Variants in NEURL4 observed in about 807,000 individuals in gnomAD.
The protein encoded by NEURL4 is neuralized E3 ubiquitin protein ligase 4, also known as neuralized-like protein 4.
A neutral mutation model predicts 148.0 loss-of-function variants in NEURL4; 45 were observed. The observed-to-expected ratio is 0.30, with a 90% CI of 0.24 to 0.39. The LOEUF (loss-of-function observed/expected upper bound fraction) is 0.39. NEURL4 is among the 10% of genes least tolerant of loss of function. NEURL4 has a pLI of 1.00. For missense variants in NEURL4, 1,776 were observed against 2,144.0 expected, an observed-to-expected ratio of 0.83 and a Z score of 3.39; for synonymous variants, 854 against 869.0, an observed-to-expected ratio of 0.98 and a Z score of 0.30.
chr17:7,324,870 A>G lies in NEURL4; in HGVS notation c.1742T>C (p.Ile581Thr). Residue 581 changes from isoleucine (I) to threonine (T), a missense_variant, in exon 9 of 29, where the codon ATT (isoleucine) becomes ACT (threonine). Physicochemically the swap from Ile to Thr is moderately conservative, Grantham distance 89. Transcript: ENST00000399464. This position sits in a 1 kb window ranked among gnomAD's most constrained non-coding sequence, Gnocchi z 5.9. ...DKMVDKWAGS[I>T]EIGVTTHNPA... ...GTTGTGGGTGGTGACACCAATTTCA[A>G]TGGAGCCAGCCCATTTGTCCACCAT... is the stretch of plus-strand genomic sequence containing the variant. 1 of 1,614,120 alleles carries G rather than the reference A, an allele frequency of 6.2e-7. No homozygotes were observed. Among genetic ancestry groups the G allele is most frequent in the Non-Finnish European group, 8.5e-7 (1 of 1,179,996 alleles).
chr17:7,318,299 C>G lies in NEURL4; in HGVS notation c.3922G>C (p.Gly1308Arg). 6.2e-7 allele frequency: 1 copy of G among 1,614,132 alleles called. No homozygotes were observed. Reference protein sequence around the residue: ...AASGKSAGTQGDMEKADMVDG... With the variant: ...AASGKSAGTQRDMEKADMVDG... Reference sequence around the variant, plus strand: ...ACCATGTCTGCTTTCTCCATGTCCCCTTGGGTTCCAGCACTTTTCCCACTG... The same window carrying G: ...ACCATGTCTGCTTTCTCCATGTCCCGTTGGGTTCCAGCACTTTTCCCACTG... Residue 1308 changes from glycine (G) to arginine (R), a missense_variant, in exon 24 of 29, where the codon GGG (glycine) becomes CGG (arginine). Transcript: ENST00000399464. The surrounding 1 kb of genome is among the most constrained non-coding windows in gnomAD (Gnocchi z 4.3).
rs761192378 is a variant in NEURL4 at position 7,327,844 on chromosome 17, G to A, written c.323C>T (p.Ala108Val). ...WSGSIEIGVT[A>V]LDPSVLDFPS... ...AAAGTCCAGCACACTGGGGTCCAGC[G>A]CTGTCACCCCAATCTCAATGGAGCC... is the stretch of plus-strand genomic sequence containing the variant. The change falls in exon 2 of 29, where the codon GCG becomes GTG. Residue 108 changes from alanine to valine, a missense_variant. Coordinates refer to ENST00000399464, the MANE Select transcript of NEURL4 (RefSeq NM_032442.3). The surrounding 1 kb of genome is among the most constrained non-coding windows in gnomAD (Gnocchi z 6.6). The A allele has an allele frequency of 1.4e-5, 22 of 1,613,120 alleles. No homozygotes were observed. The highest frequency in any genetic ancestry group is 4.4e-5 in the South Asian group (4 of 91,072).
In NEURL4 at chr17:7,318,385, C is replaced by T; in HGVS notation, c.3865-29G>A. The T allele has an allele frequency of 6.2e-7, 1 of 1,612,960 alleles. No individual in the cohort carries two copies. Among genetic ancestry groups the T allele is most frequent in the East Asian group, 2.2e-5 (1 of 44,874 alleles). On this transcript the variant is annotated intron_variant, in intron 23 of 28. Transcript: ENST00000399464. This position sits in a 1 kb window ranked among gnomAD's most constrained non-coding sequence, Gnocchi z 4.3. ...CAGGGGAGAGGGTAGTCAGACAGAGCTTGGTCAGACCCCAGGGCCTGCTGA... is the reference window on the plus strand; with the variant it reads ...CAGGGGAGAGGGTAGTCAGACAGAGTTTGGTCAGACCCCAGGGCCTGCTGA...
chr17:7,321,958 T>C lies in NEURL4; in HGVS notation c.2778A>G (p.Leu926=), dbSNP rs757069576. The C allele has an allele frequency of 9.3e-6, 15 of 1,613,336 alleles. No individual in the cohort carries two copies. The highest frequency in any genetic ancestry group is 1.3e-5 in the Non-Finnish European group (15 of 1,179,962). The part of the protein sequence containing the change: ...FHSTCGKNVT[L]EEDGTRAVRA... The stretch of plus-strand genomic sequence containing the variant: ...GCACTGCCCTCGTGCCATCCTCCTC[T>C]AGAGTGACGTTCTTGCCGCAAGTAC... Residue 926 remains leucine (L), a synonymous_variant, in exon 17 of 29, where the codon CTA becomes CTG. Coordinates refer to ENST00000399464, the MANE Select transcript of NEURL4 (RefSeq NM_032442.3). This position sits in a 1 kb window ranked among gnomAD's most constrained non-coding sequence, Gnocchi z 6.3.
rs2072973699 is a variant in NEURL4 at position 7,318,001 on chromosome 17, G to A, written c.4060+64C>T. On this transcript the variant is annotated intron_variant, in intron 25 of 28. Transcript: ENST00000399464. This position sits in a 1 kb window ranked among gnomAD's most constrained non-coding sequence, Gnocchi z 4.3. ...TCAACCACAGTGGCACCCTCCAGCTGCTCTCCAAGGCTCTAGGCCTGGCCC... is the reference window on the plus strand; with the variant it reads ...TCAACCACAGTGGCACCCTCCAGCTACTCTCCAAGGCTCTAGGCCTGGCCC... The A allele has an allele frequency of 6.2e-7, 1 of 1,612,912 alleles. No homozygotes were observed. The highest frequency in any genetic ancestry group is 8.5e-7 in the Non-Finnish European group (1 of 1,179,056).
chr17:7,316,033 A>G lies in NEURL4; in HGVS notation c.*90T>C. 1.3e-6 allele frequency: 1 copy of G among 787,446 alleles called. No individual in the cohort carries two copies. The highest frequency in any genetic ancestry group is 2.3e-6 in the Non-Finnish European group (1 of 436,504). 48.8% of individuals were successfully genotyped at this position (787,446 alleles called of 1,614,324 possible). ...CCAAGCTCCAGCACCTGCGCATGCC[A>G]CGAGTCACGGGAATGAGGTGGAGGC... is the stretch of plus-strand genomic sequence containing the variant. On this transcript the variant is annotated 3_prime_UTR_variant, in exon 29 of 29. Transcript: ENST00000399464.
chr17:7,318,461 G>C lies in NEURL4; in HGVS notation c.3864+34C>G. On this transcript the variant is annotated intron_variant, in intron 23 of 28. Transcript: ENST00000399464. This position sits in a 1 kb window ranked among gnomAD's most constrained non-coding sequence, Gnocchi z 4.3. The stretch of plus-strand genomic sequence containing the variant: ...CTGTCCTGGACAGCGCAGACTCTCA[G>C]GCACCCCTCCTCCCTGCCCCCACTG... 2 of 1,602,728 alleles carry C rather than the reference G, an allele frequency of 1.2e-6. No homozygotes were observed. The highest frequency in any genetic ancestry group is 2.2e-5 in the South Asian group (2 of 89,684).
chr17:7,328,968 C>A, intron 1 of NEURL4, 63 bp downstream of exon 1: 2 of 1,442,442 alleles, frequency 1.4e-6, no homozygotes, highest in Non-Finnish European at 1.8e-6. Flanking sequence ...TGTCCTACCC[C>A]GTCTCCCTCT....
chr17:7,329,226 G>A lies in NEURL4; in HGVS notation c.87C>T (p.Gly29=). Residue 29 remains glycine (G), a synonymous_variant, in exon 1 of 29, where the codon GGC becomes GGT. Coordinates refer to ENST00000399464, the MANE Select transcript of NEURL4 (RefSeq NM_032442.3). The stretch of plus-strand genomic sequence containing the variant: ...GACCCCCGTTGGACCCCGGTCCTGA[G>A]CCGCTCCCGCTGGGGCCCCCACCCC... ...PGGGGGPSGS[G]SGPGSNGGLG... is the part of the protein sequence containing the mutation. 6 of 1,523,252 alleles carry A rather than the reference G, an allele frequency of 3.9e-6. No individual in the cohort carries two copies. Among genetic ancestry groups the A allele is most frequent in the Non-Finnish European group, 5.3e-6 (6 of 1,142,198 alleles). The allele number at this position is 1,523,252 out of a possible 1,614,324, so 94.4% of individuals were successfully genotyped here.
rs758525907 is a variant in NEURL4, at chr17:7,322,875, G to C, written c.2594-9C>G. 6.2e-7 allele frequency: 1 copy of C among 1,612,264 alleles called. No homozygotes were observed. Among genetic ancestry groups the C allele is most frequent in the East Asian group, 2.2e-5 (1 of 44,818 alleles). On this transcript the variant is annotated splice_polypyrimidine_tract_variant and intron_variant, in intron 15 of 28. Coordinates refer to ENST00000399464, the MANE Select transcript of NEURL4 (RefSeq NM_032442.3). This position sits in a 1 kb window ranked among gnomAD's most constrained non-coding sequence, Gnocchi z 5.5. ...GACTACCGCATACACCTCTGGGGAG[G>C]AGAGGGAAGGTCAGAAGCCTGACAG...
chr17:7,324,743 T>C lies in NEURL4; in HGVS notation c.1813+56A>G. 1 of 1,577,296 alleles carries C rather than the reference T, an allele frequency of 6.3e-7. No individual in the cohort carries two copies. Among genetic ancestry groups the C allele is most frequent in the Admixed American group, 1.7e-5 (1 of 59,454 alleles). On this transcript the variant is annotated intron_variant, in intron 9 of 28. Coordinates refer to ENST00000399464, the MANE Select transcript of NEURL4 (RefSeq NM_032442.3). This position sits in a 1 kb window ranked among gnomAD's most constrained non-coding sequence, Gnocchi z 5.9. ...AGCTGCAGAACAAGTGCCAGGGCTTTGGGGATAGCTTCCCCCCAAAACCCT... is the reference window on the plus strand; with the variant it reads ...AGCTGCAGAACAAGTGCCAGGGCTTCGGGGATAGCTTCCCCCCAAAACCCT...
In NEURL4 at chr17:7,319,150, G is replaced by C. The variant is rs780416411; in HGVS notation, c.3584C>G (p.Thr1195Ser). The C allele has an allele frequency of 6.2e-7, 1 of 1,614,080 alleles. No homozygotes were observed. The highest frequency in any genetic ancestry group is 1.1e-5 in the South Asian group (1 of 91,084). ...GAAGTTGAGCCTCTCAGGCGCGCAG[G>C]TGATGACTCCCAGGACAAGGGAAGA... ...WTSSLVLGVI[T>S]CAPERLNFPA... Residue 1195 changes from threonine to serine, a missense_variant, in exon 22 of 29, where the codon ACC becomes AGC. Physicochemically the swap from Thr to Ser is moderately conservative, Grantham distance 58 (BLOSUM62 1). Coordinates refer to ENST00000399464, the MANE Select transcript of NEURL4 (RefSeq NM_032442.3).
chr17:7,326,352 T>G lies in NEURL4; in HGVS notation c.1205-9A>C. 2 of 1,614,136 alleles carry G rather than the reference T, an allele frequency of 1.2e-6. No individual in the cohort carries two copies. The highest frequency in any genetic ancestry group is 1.7e-6 in the Non-Finnish European group (2 of 1,180,022). The stretch of plus-strand genomic sequence containing the variant: ...GCTCATCATGATGGTGCCTGGGTGA[T>G]AGTGGACACTTGGGTTCGGGTACGG... On this transcript the variant is annotated splice_polypyrimidine_tract_variant and intron_variant, in intron 5 of 28. Coordinates refer to ENST00000399464, the MANE Select transcript of NEURL4 (RefSeq NM_032442.3). This position sits in a 1 kb window ranked among gnomAD's most constrained non-coding sequence, Gnocchi z 6.0.
chr17:7,319,184 G>C lies in NEURL4; in HGVS notation c.3550C>G (p.Gln1184Glu). 2 of 1,613,240 alleles carry C rather than the reference G, an allele frequency of 1.2e-6. No homozygotes were observed. Among genetic ancestry groups the C allele is most frequent in the Non-Finnish European group, 1.7e-6 (2 of 1,179,564 alleles). ...CCCAGGACAAGGGAAGATGTCCACTGTCGGTTTAGGAAATCTATCCGCACC... is the reference window on the plus strand; with the variant it reads ...CCCAGGACAAGGGAAGATGTCCACTCTCGGTTTAGGAAATCTATCCGCACC... ...VQVRIDFLNR[Q>E]WTSSLVLGVI... The change falls in exon 22 of 29, where the codon CAG becomes GAG. Residue 1184 changes from glutamine (Q) to glutamate (E), a missense_variant. By Grantham distance (29) the Gln-to-Glu change is conservative (BLOSUM62 2). Coordinates refer to ENST00000399464, the MANE Select transcript of NEURL4 (RefSeq NM_032442.3).
At chr17:7,328,423 G>A (rs950230567) in intron 1 of NEURL4, among the ~76,000 whole-genome samples, 15 of 152,172 alleles carry the variant, frequency 9.9e-5, no homozygotes, top group African/African-American at 3.1e-4. Flanking sequence ...TTTTTGAGAC[G>A]GAGTCTCACT....
chr17:7,319,372 CTCTTTTTTT>C (rs1567618984), intron 21 of NEURL4, among the ~76,000 whole-genome samples, 164 bp from the exon 22 acceptor site: 22 of 99,206 alleles, frequency 2.2e-4, no homozygotes, highest in African/African-American at 7.3e-4. Context: ...GTTTCTTTCC[CTCTTTTTTT>C]TTTTTTTTTT....
At position 7,321,141 on chromosome 17, in the gene NEURL4, C is replaced by A; in HGVS notation, c.3331G>T (p.Asp1111Tyr). 6.2e-7 allele frequency: 1 copy of A among 1,613,896 alleles called. No individual in the cohort carries two copies. Among genetic ancestry groups the A allele is most frequent in the Non-Finnish European group, 8.5e-7 (1 of 1,179,988 alleles). The change falls in exon 20 of 29, where the codon GAT (aspartate) becomes TAT (tyrosine). Residue 1111 changes from aspartate (D) to tyrosine (Y), a missense_variant. By Grantham distance (160) the Asp-to-Tyr change is radical. Coordinates refer to ENST00000399464, the MANE Select transcript of NEURL4 (RefSeq NM_032442.3). The surrounding 1 kb of genome is among the most constrained non-coding windows in gnomAD (Gnocchi z 6.3). ...SSDTGSEGEE[D>Y]DEGEEHGLGG... ...AGGCCATGCTCCTCGCCCTCGTCAT[C>A]CTCCTCGCCCTCACTGCCGGTGTCT... is the stretch of plus-strand genomic sequence containing the variant.
chr17:7,326,370 G>C lies in NEURL4; in HGVS notation c.1205-27C>G. 6.2e-7 allele frequency: 1 copy of C among 1,613,936 alleles called. No homozygotes were observed. Among genetic ancestry groups the C allele is most frequent in the Non-Finnish European group, 8.5e-7 (1 of 1,179,878 alleles). ...TGGGTGATAGTGGACACTTGGGTTC[G>C]GGTACGGGGCTTCCTTCCCCTCAGC... is the stretch of plus-strand genomic sequence containing the variant. On this transcript the variant is annotated intron_variant, in intron 5 of 28. Transcript: ENST00000399464. This position sits in a 1 kb window ranked among gnomAD's most constrained non-coding sequence, Gnocchi z 6.0.
rs747168867 is a variant in NEURL4, at chr17:7,324,956, G to A, written c.1656C>T (p.Gly552=). 3.0e-5 allele frequency: 49 copies of A among 1,613,832 alleles called. 1 individual carries two copies. Among genetic ancestry groups the A allele is most frequent in the South Asian group, 1.5e-4 (14 of 91,064 alleles). The change falls in exon 9 of 29, where the codon GGC becomes GGT. Residue 552 remains glycine (G), a synonymous_variant. Transcript: ENST00000399464. This position sits in a 1 kb window ranked among gnomAD's most constrained non-coding sequence, Gnocchi z 5.9. ...RPHATDDFNH[G]VVLSSRALRD... ...GCAGGGCTCTGCTGCTCAGCACCAC[G>A]CCGTGATTGAAGTCATCGGTGGCAC...
Sources: allele counts gnomAD v4.1 joint callset (sites outside exome capture counted in the v4.1 genomes callset), GRCh38; gene constraint gnomAD v4.1.1; non-coding constraint Gnocchi (gnomAD v3.1); transcripts MANE v1.5; gene names NCBI Gene and HGNC (gene_info 2026-07-23, HGNC 2026-07-21).